Variants in UNC13B observed in about 807,000 individuals in gnomAD.
The protein encoded by UNC13B is unc-13 homolog B.
Under a neutral mutation model 211.0 loss-of-function variants are expected in UNC13B, and 144 were observed. The observed-to-expected ratio is 0.68, with a 90% CI of 0.60 to 0.78. UNC13B has a LOEUF of 0.78. Among genes scored for constraint, UNC13B ranks in the 30% least tolerant of loss-of-function variants. The probability of loss-of-function intolerance (pLI) is 0.00; values close to 1 mark genes in which losing one functional copy is unlikely to be tolerated. For synonymous variants in UNC13B, 709 were observed against 725.8 expected (o/e 0.98, Z 0.37); for missense variants, 1,777 against 2,002.0 (o/e 0.89, Z 2.14).
chr9:35,247,988 C>CT (rs904398741), intron 6 of UNC13B, among the ~76,000 whole-genome samples: 4 of 151,980 alleles, frequency 2.6e-5, no homozygotes, highest in Non-Finnish European at 5.9e-5. Context: ...TGGTCCTGGA[C>CT]TTTTTTTGGT....
chr9:35,250,356 A>G (rs768679551), intron 6 of UNC13B, among the ~76,000 whole-genome samples: 1 of 152,040 alleles, frequency 6.6e-6, no homozygotes, highest in Non-Finnish European at 1.5e-5. Flanking sequence ...GCCCTATACA[A>G]CCACTAATCA....
chr9:35,327,646 C>T (rs952104318), intron 11 of UNC13B, among the ~76,000 whole-genome samples: 2 of 152,180 alleles, frequency 1.3e-5, no homozygotes, highest in East Asian at 1.9e-4. Flanking sequence ...AGTCCACCAA[C>T]TCAAATTTCT....
At chr9:35,331,467 G>A (rs1831364991) in intron 11 of UNC13B, among the ~76,000 whole-genome samples, 1 of 152,112 alleles carries the variant, frequency 6.6e-6, no homozygotes, top group Admixed American at 6.5e-5. Flanking sequence ...GGCTGGTCTT[G>A]AACTCCTGGC....
Position 35,380,510 on chromosome 9 carries a change from T to G in UNC13B, c.10246T>G (p.Trp3416Gly). The change falls in exon 18 of 40, where the codon TGG becomes GGG. Residue 3416 changes from tryptophan to glycine, a missense_variant. Trp to Gly is a radical substitution (Grantham distance 184). Transcript: ENST00000635942. Reference sequence around the variant, plus strand: ...CTCTGACCGCATTAAGGTGCGTGTATGGGATGAGGATGATGACATCAAGTC... The same window carrying G: ...CTCTGACCGCATTAAGGTGCGTGTAGGGGATGAGGATGATGACATCAAGTC... ...NSSDRIKVRVWDEDDDIKSRV... is the reference protein window; with the variant it reads ...NSSDRIKVRVGDEDDDIKSRV... 1 of 1,614,092 alleles carries G rather than the reference T, an allele frequency of 6.2e-7. No individual in the cohort carries two copies. The highest frequency in any genetic ancestry group is 8.5e-7 in the Non-Finnish European group (1 of 1,180,010).
At position 35,396,760 on chromosome 9, in the gene UNC13B, A is replaced by G. The variant is rs1835907664; in HGVS notation, c.11436-81A>G. The stretch of plus-strand genomic sequence containing the variant: ...TAAACTGTGCCCTGCCATCCCGAGG[A>G]CCCCAGTCTGGTGGAGCTGTCAGGA... On this transcript the variant is annotated intron_variant, in intron 27 of 39. Coordinates refer to ENST00000635942, the MANE Select transcript of UNC13B (RefSeq NM_001371189.2). The G allele has an allele frequency of 5.2e-5, 83 of 1,601,426 alleles. 1 individual carries two copies. In the South Asian group the frequency reaches 9.2e-4, roughly 18 times the overall value.
chr9:35,293,896 G>A (rs1047384072), intron 7 of UNC13B, among the ~76,000 whole-genome samples: 2 of 151,876 alleles, frequency 1.3e-5, no homozygotes, highest in South Asian at 2.1e-4. Context: ...TTTTCCTCCC[G>A]GAGTTCTAAT....
intron 11 of UNC13B, among the ~76,000 whole-genome samples, chr9:35,347,180 G>A (rs1001380505): frequency 1.3e-5 from 2 of 152,162 alleles, no homozygotes; most frequent in African/African-American, 2.4e-5. Flanking sequence ...GATTACAGGC[G>A]TGAGCCCAGC....
intron 8 of UNC13B, among the ~76,000 whole-genome samples, chr9:35,296,579 C>T (rs1399023763): frequency 6.6e-6 from 1 of 152,096 alleles, no homozygotes; most frequent in African/African-American, 2.4e-5. Flanking sequence ...CAAGTACATA[C>T]ATATGTGCTC....
chr9:35,183,587 T>C (rs1170484944), intron 1 of UNC13B, among the ~76,000 whole-genome samples: 48 of 88,634 alleles, frequency 5.4e-4, no homozygotes, highest in Admixed American at 8.4e-4. Context: ...GCAGGGCGGC[T>C]GGGCAGAGGC....
intron 6 of UNC13B, among the ~76,000 whole-genome samples, chr9:35,245,856 G>T (rs981892315): frequency 1.3e-5 from 2 of 152,070 alleles, no homozygotes; most frequent in African/African-American, 4.8e-5. Flanking sequence ...AATCCTTTGG[G>T]TCTATACCCA....
chr9:35,348,988 G>C (rs1460889235), intron 11 of UNC13B, among the ~76,000 whole-genome samples: 1 of 152,016 alleles, frequency 6.6e-6, no homozygotes, highest in African/African-American at 2.4e-5. Flanking sequence ...TGCGATCTTG[G>C]CTCACCGCAA....
At chr9:35,391,467 A>G (rs1835530761) in intron 26 of UNC13B, among the ~76,000 whole-genome samples, 2 of 152,244 alleles carry the variant, frequency 1.3e-5, no homozygotes, top group African/African-American at 4.8e-5. Flanking sequence ...GTGGGATGGC[A>G]GGGCAGATGA....
chr9:35,326,053 G>GT (rs745844350), intron 11 of UNC13B, among the ~76,000 whole-genome samples: 13 of 152,194 alleles, frequency 8.5e-5, no homozygotes, highest in Non-Finnish European at 1.3e-4. Flanking sequence ...CCGCCAGACT[G>GT]TTTTTTAAAG....
chr9:35,262,249 C>T (rs1827319902), intron 7 of UNC13B, among the ~76,000 whole-genome samples: 1 of 150,134 alleles, frequency 6.7e-6, no homozygotes. Flanking sequence ...TCCTTCTTTC[C>T]TTTCCCTTCC....
intron 9 of UNC13B, 101 bp from the exon 10 acceptor site, chr9:35,310,366 C>T (rs2052143719): frequency 7.9e-7 from 1 of 1,270,482 alleles, no homozygotes; most frequent in African/African-American, 1.5e-5. Context: ...CTATTTGATT[C>T]TTGCTACTAA....
Position 35,322,956 on chromosome 9 carries a change from T to G in UNC13B, c.9414+8967T>G, listed in dbSNP as rs185825641. On this transcript the variant is annotated intron_variant, in intron 11 of 39. Coordinates refer to ENST00000635942, the MANE Select transcript of UNC13B (RefSeq NM_001371189.2). ...ATTTCTAAAAAAAACTGAAGAATGT[T>G]TTGAATAAGTAATAAATGTAAAATA... 2.0e-3 allele frequency among the ~76,000 whole-genome samples: 310 copies of G among 152,072 alleles called. 2 individuals are homozygous for G. Among genetic ancestry groups the G allele is most frequent in the African/African-American group, 6.4e-3 (266 of 41,510 alleles).
At chr9:35,266,790 A>T (rs1413216481) in intron 7 of UNC13B, among the ~76,000 whole-genome samples, 1 of 152,112 alleles carries the variant, frequency 6.6e-6, no homozygotes, top group African/African-American at 2.4e-5. Flanking sequence ...TAGGGTAATT[A>T]TTGTGATTTA....
chr9:35,390,397 C>A (rs1414858012), intron 25 of UNC13B, among the ~76,000 whole-genome samples: 2 of 152,264 alleles, frequency 1.3e-5, no homozygotes, highest in African/African-American at 4.8e-5. Context: ...GCCTTCTGGG[C>A]ATCTTCTGCC....
rs749396619 is a variant in UNC13B at position 35,303,621 on chromosome 9, A to G, written c.4217A>G (p.Asp1406Gly). 61 of 398,700 alleles carry G rather than the reference A, an allele frequency of 1.5e-4. No individual in the cohort carries two copies. Among genetic ancestry groups the G allele is most frequent in the Non-Finnish European group, 2.5e-4 (56 of 225,870 alleles). 24.7% of individuals were successfully genotyped at this position (398,700 alleles called of 1,614,324 possible). ...TCAGTGATAAATTTTTGCCAAAAAGATCAAAATGCAAACATCTTGGAGTGG... is the reference window on the plus strand; with the variant it reads ...TCAGTGATAAATTTTTGCCAAAAAGGTCAAAATGCAAACATCTTGGAGTGG... ...ENSVINFCQK[D>G]QNANILEWRT... The change falls in exon 9 of 40, where the codon GAT becomes GGT. Residue 1406 changes from aspartate to glycine, a missense_variant. By Grantham distance (94) the Asp-to-Gly change is moderately conservative. Transcript: ENST00000635942.
Sources: allele counts gnomAD v4.1 joint callset (sites outside exome capture counted in the v4.1 genomes callset), GRCh38; gene constraint gnomAD v4.1.1; transcripts MANE v1.5; gene names NCBI Gene and HGNC (gene_info 2026-07-23, HGNC 2026-07-21).